The following USP31 variants were observed in gnomAD, a reference collection of about 807,000 sequenced individuals.
USP31 encodes the protein ubiquitin specific peptidase 31, also known as ubiquitin carboxyl-terminal hydrolase 31.
USP31 carries 44 observed loss-of-function variants against 119.4 expected under a neutral mutation model. The observed-to-expected ratio is 0.37, with a 90% CI of 0.29 to 0.47. The LOEUF (loss-of-function observed/expected upper bound fraction) is 0.47. Ranked by LOEUF, USP31 falls within the 20% of genes least tolerant of loss-of-function variation. The probability of loss-of-function intolerance (pLI) is 0.99; values close to 1 mark genes in which losing one functional copy is unlikely to be tolerated. For synonymous variants in USP31, 749 were observed against 705.6 expected (o/e 1.06, Z -0.97); for missense variants, 1,643 against 1,730.2 (o/e 0.95, Z 0.89).
chr16:23,069,018 G>C lies in USP31; in HGVS notation c.3087C>G (p.Ser1029=). ...TTTTCTCTGGCTCAGAAGTGCCTTT[G>C]GAACTGGGGGATCTCTTAGTTGTGC... The part of the protein sequence containing the change: ...PESTTKRSPS[S]KGTSEPEKSL... Residue 1029 remains serine, a synonymous_variant, in exon 16 of 16, where the codon TCC becomes TCG. Coordinates refer to ENST00000219689, the MANE Select transcript of USP31 (RefSeq NM_020718.4). 6.2e-7 allele frequency: 1 copy of C among 1,613,734 alleles called. No individual in the cohort carries two copies. Among genetic ancestry groups the C allele is most frequent in the Non-Finnish European group, 8.5e-7 (1 of 1,180,016 alleles).
rs1162437895 is a variant in USP31 at position 23,064,108 on chromosome 16, C to G, written c.*3938G>C. ...TCTCAACTACAAATAATACAAAGTT[C>G]CACGCACCTCCAGAATACGTGTTTT... On this transcript the variant is annotated 3_prime_UTR_variant, in exon 16 of 16. Coordinates refer to ENST00000219689, the MANE Select transcript of USP31 (RefSeq NM_020718.4). The G allele has an allele frequency of 3.3e-5, 5 of 152,596 alleles. No homozygotes were observed. Among genetic ancestry groups the G allele is most frequent in the Non-Finnish European group, 4.4e-5 (3 of 68,034 alleles). The allele number at this position is 152,596 out of a possible 1,614,324, so 9.5% of individuals were successfully genotyped here.
chr16:23,109,693 T>C (rs1449922319), intron 1 of USP31, among the ~76,000 whole-genome samples: 1 of 152,116 alleles, frequency 6.6e-6, no homozygotes, highest in East Asian at 1.9e-4. Context: ...AAGGTTGACA[T>C]CACCAGTGGT....
intron 1 of USP31, among the ~76,000 whole-genome samples, chr16:23,144,678 C>T (rs563515372): frequency 1.6e-3 from 250 of 152,152 alleles, no homozygotes; most frequent in African/African-American, 5.8e-3. Context: ...GATGGGGTTT[C>T]ACCATGTTGT....
chr16:23,072,338 C>T (rs1183016408), intron 14 of USP31, 141 bp from the exon 15 acceptor site: 5 of 1,169,516 alleles, frequency 4.3e-6, no homozygotes, highest in Admixed American at 2.0e-5. Context: ...AATTCCCAGA[C>T]CCTGTGTCAT....
chr16:23,117,396 T>C (rs9933990), intron 1 of USP31, among the ~76,000 whole-genome samples: 41,586 of 152,248 alleles, frequency 0.27, 6,127 homozygotes, highest in Admixed American at 0.34. Flanking sequence ...TAGTAAAGTA[T>C]GCATTCCTCA....
chr16:23,145,061 A>G (rs1290180725), intron 1 of USP31, among the ~76,000 whole-genome samples: 1 of 152,122 alleles, frequency 6.6e-6, no homozygotes, highest in African/African-American at 2.4e-5. Flanking sequence ...TCTATGGTGC[A>G]GCCAGCCACT....
rs932812487 is a variant in USP31, at chr16:23,063,496, A to C, written c.*4550T>G. 1 of 152,672 alleles carries C rather than the reference A, an allele frequency of 6.5e-6. No individual in the cohort carries two copies. Among genetic ancestry groups the C allele is most frequent in the Non-Finnish European group, 1.5e-5 (1 of 68,042 alleles). The allele number at this position is 152,672 out of a possible 1,614,324, so 9.5% of individuals were successfully genotyped here. A position where few individuals can be genotyped will look rare whatever the true frequency, so the allele number is the denominator to read the frequency against. On this transcript the variant is annotated 3_prime_UTR_variant, in exon 16 of 16. Coordinates refer to ENST00000219689, the MANE Select transcript of USP31 (RefSeq NM_020718.4). ...AAAATGGCAGGTTATTTTTAGAACAAAACACTTTAGGAAAGTCTTCAGGCT... is the reference window on the plus strand; with the variant it reads ...AAAATGGCAGGTTATTTTTAGAACACAACACTTTAGGAAAGTCTTCAGGCT...
chr16:23,116,127 T>A (rs995150326), intron 1 of USP31, among the ~76,000 whole-genome samples: 1 of 152,100 alleles, frequency 6.6e-6, no homozygotes, highest in Admixed American at 6.5e-5. Flanking sequence ...GCAAGACTCA[T>A]CAAACCCAAT....
intron 1 of USP31, among the ~76,000 whole-genome samples, chr16:23,128,993 C>T (rs988706266): frequency 3.9e-5 from 6 of 152,306 alleles, no homozygotes; most frequent in South Asian, 2.1e-4. Context: ...GAAGTATTTA[C>T]AAATTAAACC....
rs1042571586 is a variant in USP31 at position 23,063,167 on chromosome 16, G to A, written c.*4879C>T. 2.0e-5 allele frequency: 3 copies of A among 152,194 alleles called. No individual in the cohort carries two copies. The highest frequency in any genetic ancestry group is 4.4e-5 in the Non-Finnish European group (3 of 68,038). 9.4% of individuals were successfully genotyped at this position (152,194 alleles called of 1,614,324 possible). A position where few individuals can be genotyped will look rare whatever the true frequency, so the allele number is the denominator to read the frequency against. The stretch of plus-strand genomic sequence containing the variant: ...TTCAGAAGAGGCTTAAAAGAATCTT[G>A]AGGAAAATACATGTGTGAGATTCAA... On this transcript the variant is annotated 3_prime_UTR_variant, in exon 16 of 16. Coordinates refer to ENST00000219689, the MANE Select transcript of USP31 (RefSeq NM_020718.4).
intron 12 of USP31, 135 bp downstream of exon 12, chr16:23,082,303 T>G: frequency 2.6e-6 from 3 of 1,175,900 alleles, no homozygotes; most frequent in Non-Finnish European, 3.5e-6. Context: ...GGGGCAAAAG[T>G]GTGTCTATAA....
Position 23,149,233 on chromosome 16 carries a change from G to T in USP31, c.38C>A (p.Ala13Glu). ...KVTAPGSGPP[A>E]AASGKEKRSF... ...GCGCTTCTCCTTCCCGCTCGCCGCC[G>T]CCGGCGGCCCGGACCCAGGCGCCGT... is the stretch of plus-strand genomic sequence containing the variant. Residue 13 changes from alanine to glutamate, a missense_variant, in exon 1 of 16, where the codon GCG becomes GAG. By Grantham distance (107) the Ala-to-Glu change is moderately radical. This residue lies in a region of USP31 where 302 missense variants were observed against 262.6 expected (regional missense o/e 1.15). Coordinates refer to ENST00000219689, the MANE Select transcript of USP31 (RefSeq NM_020718.4). 4 of 1,126,718 alleles carry T rather than the reference G, an allele frequency of 3.6e-6. No individual in the cohort carries two copies. The highest frequency in any genetic ancestry group is 4.3e-6 in the Non-Finnish European group (4 of 919,560). 69.8% of individuals were successfully genotyped at this position (1,126,718 alleles called of 1,614,324 possible). A position where few individuals can be genotyped will look rare whatever the true frequency, so the allele number is the denominator to read the frequency against.
intron 1 of USP31, among the ~76,000 whole-genome samples, chr16:23,109,479 A>G (rs1402212516): frequency 6.6e-6 from 1 of 152,174 alleles, no homozygotes; most frequent in Non-Finnish European, 1.5e-5. Context: ...ACAAATAGGG[A>G]GAAGAGGCAA....
chr16:23,082,848 T>TTTTTTTTTG (rs1641213592), intron 11 of USP31, among the ~76,000 whole-genome samples: 1 of 150,072 alleles, frequency 6.7e-6, no homozygotes, highest in African/African-American at 2.4e-5. Context: ...TTTTTTTTTT[T>TTTTTTTTTG]GAAACAGAGT....
At chr16:23,129,034 T>A (rs1190385777) in intron 1 of USP31, among the ~76,000 whole-genome samples, 2 of 152,222 alleles carry the variant, frequency 1.3e-5, no homozygotes, top group Non-Finnish European at 2.9e-5. Context: ...TTTAACAATT[T>A]TTTAATGGGG....
At chr16:23,082,337 A>T in intron 12 of USP31, 101 bp downstream of exon 12, 1 of 1,482,114 alleles carries the variant, frequency 6.7e-7, no homozygotes, top group Non-Finnish European at 9.3e-7. Flanking sequence ...GACTCACTGG[A>T]TCAAACAGGT....
At chr16:23,116,587 C>T (rs2141884060) in intron 1 of USP31, among the ~76,000 whole-genome samples, 1 of 152,324 alleles carries the variant, frequency 6.6e-6, no homozygotes, top group South Asian at 2.1e-4. Flanking sequence ...CATTCTTCCT[C>T]CTTATCTTCT....
At chr16:23,091,167 G>A (rs2141853540) in intron 6 of USP31, among the ~76,000 whole-genome samples, 1 of 152,208 alleles carries the variant, frequency 6.6e-6, no homozygotes, top group Admixed American at 6.5e-5. Context: ...ATAAAGATGT[G>A]GAATGTTCTT....
At chr16:23,105,297 T>C (rs1902049565) in intron 5 of USP31, 144 bp downstream of exon 5, 7 of 1,056,802 alleles carry the variant, frequency 6.6e-6, no homozygotes, top group Non-Finnish European at 8.9e-6. Context: ...CTTTGGGGCC[T>C]TGATTTTTTT....
Sources: allele counts gnomAD v4.1 joint callset (sites outside exome capture counted in the v4.1 genomes callset), GRCh38; gene constraint gnomAD v4.1.1; regional missense constraint gnomAD v4.1.1; transcripts MANE v1.5; gene names NCBI Gene and HGNC (gene_info 2026-07-23, HGNC 2026-07-21).